The following MAGI2 variants were observed in gnomAD, a reference collection of about 807,000 sequenced individuals.
MAGI2 encodes membrane associated guanylate kinase, WW and PDZ domain containing 2.
Under a neutral mutation model 133.3 loss-of-function variants are expected in MAGI2, and 35 were observed. That is an observed-to-expected ratio of 0.26 (90% CI 0.20 to 0.35). The LOEUF (loss-of-function observed/expected upper bound fraction) is 0.35, where lower values mean the gene tolerates loss of function less well. Ranked by LOEUF, MAGI2 falls within the 10% of genes least tolerant of loss-of-function variation. The pLI is 1.00. For synonymous variants in MAGI2, 729 were observed against 710.6 expected (o/e 1.03, Z -0.41); for missense variants, 1,636 against 1,863.4 (o/e 0.88, Z 2.25).
At chr7:78,948,650 T>C (rs1337133557) in intron 2 of MAGI2, among the ~76,000 whole-genome samples, 1 of 152,168 alleles carries the variant, frequency 6.6e-6, no homozygotes, top group Non-Finnish European at 1.5e-5. Context: ...TAATGAGTTA[T>C]TATTTGTACA....
intron 7 of MAGI2, among the ~76,000 whole-genome samples, chr7:78,367,126 C>CACACACAA (rs1228178946): frequency 6.6e-6 from 1 of 151,702 alleles, no homozygotes; most frequent in African/African-American, 2.4e-5. Context: ...CACACACACA[C>CACACACAA]AAATTTGAAG....
chr7:79,249,416 A>G (rs1054147072), intron 1 of MAGI2, among the ~76,000 whole-genome samples: 4 of 152,050 alleles, frequency 2.6e-5, no homozygotes, highest in Non-Finnish European at 4.4e-5. Flanking sequence ...AAAAAAGAGA[A>G]AAAGATTTAA....
chr7:79,275,614 C>T (rs976448030), intron 1 of MAGI2, among the ~76,000 whole-genome samples: 1 of 152,082 alleles, frequency 6.6e-6, no homozygotes, highest in African/African-American at 2.4e-5. Context: ...TCAATGTAGA[C>T]AAAAATAGCC....
At chr7:79,115,858 T>TTTTG (rs1819353913) in intron 1 of MAGI2, among the ~76,000 whole-genome samples, 2 of 29,728 alleles carry the variant, frequency 6.7e-5, no homozygotes, top group African/African-American at 9.6e-5. Flanking sequence ...TTTAAAGTTT[T>TTTTG]TTTTTTTTTT....
At chr7:79,373,787 T>G (rs1010104979) in intron 1 of MAGI2, among the ~76,000 whole-genome samples, 1 of 152,064 alleles carries the variant, frequency 6.6e-6, no homozygotes, top group Non-Finnish European at 1.5e-5. Context: ...GCCTGTAAGA[T>G]TGGCGGTCAG....
chr7:78,589,756 T>C (rs1803800461), intron 3 of MAGI2, among the ~76,000 whole-genome samples: 2 of 152,206 alleles, frequency 1.3e-5, no homozygotes, highest in Non-Finnish European at 2.9e-5. Flanking sequence ...GGGGTTTTAT[T>C]ACACTTCAAG....
intron 1 of MAGI2, among the ~76,000 whole-genome samples, chr7:79,141,045 C>A (rs1014839789): frequency 5.3e-5 from 8 of 152,150 alleles, no homozygotes; most frequent in Non-Finnish European, 1.0e-4. Context: ...CTAATCCTTT[C>A]AGTTGTTTAT....
chr7:78,597,737 G>A (rs1200958781), intron 3 of MAGI2, among the ~76,000 whole-genome samples: 2 of 152,142 alleles, frequency 1.3e-5, no homozygotes, highest in Admixed American at 6.5e-5. Context: ...TTGCAGTAGG[G>A]ATTTGGGAAC....
chr7:78,572,821 C>A (rs969879794), intron 3 of MAGI2, among the ~76,000 whole-genome samples: 9 of 151,256 alleles, frequency 6.0e-5, no homozygotes, highest in African/African-American at 1.7e-4. Context: ...TGCCACCATG[C>A]CCAGCTAATT....
chr7:78,891,345 A>G (rs1045644134), intron 2 of MAGI2, among the ~76,000 whole-genome samples: 1 of 152,228 alleles, frequency 6.6e-6, no homozygotes, highest in Non-Finnish European at 1.5e-5. Flanking sequence ...TCCAATCAAT[A>G]GAAAAAGAGA....
chr7:78,197,277 A>G (rs1356972817), intron 11 of MAGI2, among the ~76,000 whole-genome samples: 1 of 152,220 alleles, frequency 6.6e-6, no homozygotes, highest in African/African-American at 2.4e-5. Context: ...CAGCATGTGG[A>G]TGCATTCTAG....
At chr7:78,866,244 T>C (rs1794542555) in intron 2 of MAGI2, among the ~76,000 whole-genome samples, 1 of 152,122 alleles carries the variant, frequency 6.6e-6, no homozygotes, top group African/African-American at 2.4e-5. Flanking sequence ...TGATATACCA[T>C]TGTGTTATCT....
chr7:78,196,615 C>T (rs1584352040), intron 11 of MAGI2, among the ~76,000 whole-genome samples: 1 of 152,132 alleles, frequency 6.6e-6, no homozygotes, highest in Non-Finnish European at 1.5e-5. Context: ...GTGCCATATA[C>T]TCCAGTGTTT....
chr7:78,999,961 C>T (rs904242293), intron 2 of MAGI2, among the ~76,000 whole-genome samples: 1 of 152,116 alleles, frequency 6.6e-6, no homozygotes, highest in African/African-American at 2.4e-5. Context: ...ATATGCTTTA[C>T]ACTCTAAAAG....
At chr7:79,427,273 A>T (rs1322505021) in intron 1 of MAGI2, among the ~76,000 whole-genome samples, 3 of 152,156 alleles carry the variant, frequency 2.0e-5, no homozygotes, top group Admixed American at 6.6e-5. Flanking sequence ...AGGACTTAAA[A>T]CCTAGATGAT....
intron 1 of MAGI2, among the ~76,000 whole-genome samples, chr7:79,115,558 G>A (rs1819317178): frequency 6.6e-6 from 1 of 152,012 alleles, no homozygotes; most frequent in Admixed American, 6.6e-5. Flanking sequence ...ATTTCCTGAG[G>A]GTATTCAGTT....
chr7:79,096,903 T>C (rs1275662304), intron 1 of MAGI2, among the ~76,000 whole-genome samples: 2 of 152,164 alleles, frequency 1.3e-5, no homozygotes, highest in Non-Finnish European at 1.5e-5. Context: ...AAAAGAGACT[T>C]ATTAATTAAG....
intron 3 of MAGI2, among the ~76,000 whole-genome samples, chr7:78,573,188 TTA>T (rs1332394171): frequency 8.8e-4 from 69 of 78,106 alleles, no homozygotes; most frequent in Admixed American, 2.1e-3. Context: ...CCTGGAACTT[TTA>T]TATATATATA....
intron 9 of MAGI2, among the ~76,000 whole-genome samples, chr7:78,298,263 T>TA (rs1419107528): frequency 6.6e-6 from 1 of 152,120 alleles, no homozygotes; most frequent in Non-Finnish European, 1.5e-5. Context: ...ATGAGGAGTC[T>TA]AACGAGACAT....
Sources: allele counts gnomAD v4.1 joint callset (sites outside exome capture counted in the v4.1 genomes callset), GRCh38; gene constraint gnomAD v4.1.1; transcripts MANE v1.5; gene names NCBI Gene and HGNC (gene_info 2026-07-23, HGNC 2026-07-21).